Variants in EYS observed in about 807,000 individuals in gnomAD.
EYS encodes EGF-like photoreceptor maintenance factor.
In EYS, 250 loss-of-function variants were observed where a neutral mutation model predicts 282.1. That is an observed-to-expected ratio of 0.89 (90% confidence interval 0.80 to 0.98). The LOEUF (loss-of-function observed/expected upper bound fraction) is 0.98. EYS is among the 50% of genes least tolerant of loss of function. The pLI, the probability that EYS is intolerant of heterozygous loss-of-function variation, is 0.00. For missense variants in EYS, 4,016 were observed against 3,709.0 expected (o/e 1.08, Z -2.15); for synonymous variants, 1,355 against 1,282.9 (o/e 1.06, Z -1.20).
At chr6:64,155,644 C>T (rs189957911) in intron 31 of EYS, among the ~76,000 whole-genome samples, 3 of 152,208 alleles carry the variant, frequency 2.0e-5, no homozygotes, top group African/African-American at 7.2e-5. Flanking sequence ...TACCAGTTGC[C>T]TCATTGCTAT....
At position 64,878,119 on chromosome 6, in the gene EYS, G is replaced by T. The variant is rs904254841; in HGVS notation, c.2992+8578C>A. Among the ~76,000 whole-genome samples, 12 of 152,186 alleles carry T rather than the reference G, an allele frequency of 7.9e-5. No homozygotes were observed. The South Asian group carries it at 1.7e-3, about 21-fold the overall frequency. ...GTGGTGGCGAGCACCCGTAATCCCA[G>T]CTACTTGGGAGGCTGAGGCAGGAGA... On this transcript the variant is annotated intron_variant, in intron 19 of 42. Transcript: ENST00000503581.
intron 30 of EYS, among the ~76,000 whole-genome samples, chr6:64,241,229 G>A (rs952713432): frequency 2.0e-5 from 3 of 152,124 alleles, no homozygotes; most frequent in Non-Finnish European, 4.4e-5. Context: ...TTCTTTGCCA[G>A]GTTTTGGTAT....
At chr6:65,077,102 G>C (rs748653749) in intron 12 of EYS, among the ~76,000 whole-genome samples, 9 of 152,064 alleles carry the variant, frequency 5.9e-5, no homozygotes, top group Admixed American at 3.3e-4. Context: ...AGCATCAGGT[G>C]TGGAAGCAGT....
chr6:64,289,013 C>G (rs1215629018), intron 30 of EYS, among the ~76,000 whole-genome samples: 1 of 152,076 alleles, frequency 6.6e-6, no homozygotes, highest in Non-Finnish European at 1.5e-5. Flanking sequence ...GGCTCCACAT[C>G]TACAATAAAG....
chr6:63,788,304 T>C (rs1462829161), intron 38 of EYS, 55 bp from the exon 39 acceptor site: 1 of 1,348,720 alleles, frequency 7.4e-7, no homozygotes, highest in Non-Finnish European at 1.0e-6. Flanking sequence ...CAGGGTGAAA[T>C]GTTAAGATAC....
chr6:65,025,558 G>T (rs1583410460), intron 13 of EYS, among the ~76,000 whole-genome samples: 1 of 152,080 alleles, frequency 6.6e-6, no homozygotes, highest in East Asian at 1.9e-4. Context: ...AAAGAAACAT[G>T]GTATAAGACT....
At chr6:65,123,218 A>G (rs9342460) in intron 12 of EYS, among the ~76,000 whole-genome samples, 151,191 of 152,264 alleles carry the variant, frequency 0.99, 75,066 homozygotes, top group Middle Eastern at 1. Context: ...GTATCCTAAT[A>G]CAAAGCTTGA....
intron 12 of EYS, among the ~76,000 whole-genome samples, chr6:65,278,457 C>G (rs1421712894): frequency 4.8e-5 from 6 of 125,384 alleles, no homozygotes; most frequent in Admixed American, 9.3e-5. Flanking sequence ...CAGCTCATAT[C>G]TATATATTAC....
chr6:64,983,813 C>G (rs79431425), intron 14 of EYS, among the ~76,000 whole-genome samples: 5,271 of 151,120 alleles, frequency 0.035, 102 homozygotes, highest in Middle Eastern at 0.068. Flanking sequence ...ATCTCCTGTA[C>G]GCTAGTCCTT....
At chr6:65,668,373 T>C (rs1435822252) in intron 1 of EYS, among the ~76,000 whole-genome samples, 1 of 151,798 alleles carries the variant, frequency 6.6e-6, no homozygotes, top group Non-Finnish European at 1.5e-5. Context: ...CCTCATTATT[T>C]TATATTGGGT....
intron 27 of EYS, among the ~76,000 whole-genome samples, chr6:64,438,170 A>C (rs1774814273): frequency 6.6e-6 from 1 of 151,730 alleles, no homozygotes; most frequent in Non-Finnish European, 1.5e-5. Flanking sequence ...GACTTTTGAA[A>C]GGTTCTTATA....
intron 14 of EYS, among the ~76,000 whole-genome samples, chr6:64,968,869 C>T (rs931614995): frequency 2.0e-5 from 3 of 152,078 alleles, no homozygotes; most frequent in Admixed American, 2.0e-4. Flanking sequence ...GCTCTTCTTC[C>T]AACCCCAGAC....
At chr6:64,252,988 G>T (rs1767272511) in intron 30 of EYS, among the ~76,000 whole-genome samples, 1 of 152,018 alleles carries the variant, frequency 6.6e-6, no homozygotes, top group South Asian at 2.1e-4. Context: ...TAAATAATGT[G>T]TTAGAGCCTT....
intron 19 of EYS, among the ~76,000 whole-genome samples, chr6:64,823,952 G>T (rs954894772): frequency 1.3e-5 from 2 of 151,882 alleles, no homozygotes; most frequent in African/African-American, 4.8e-5. Context: ...TTATTACAGT[G>T]AAGAAGACAA....
chr6:65,379,950 G>A (rs1357638794), intron 8 of EYS, among the ~76,000 whole-genome samples: 1 of 151,898 alleles, frequency 6.6e-6, no homozygotes, highest in African/African-American at 2.4e-5. Context: ...ACAAACCACT[G>A]CTCAAGGAAA....
intron 4 of EYS, chr6:65,491,569 T>C (rs564677290): frequency 4.6e-6 from 2 of 435,990 alleles, no homozygotes; most frequent in Non-Finnish European, 4.6e-6. Context: ...AACTTTTTTC[T>C]TCATTTGCCT....
rs944185214 is a variant in EYS, at chr6:65,004,200, A to G, written c.2138-6497T>C. Among the ~76,000 whole-genome samples the G allele has an allele frequency of 5.4e-5, 8 of 147,494 alleles. 2 individuals carry two copies. The highest frequency in any genetic ancestry group is 1.1e-4 in the Non-Finnish European group (7 of 65,990). ...ATTCTACCATTTCAAATAAAATTGC[A>G]AAGGTTAATTCTGACACTAGAAAGG... On this transcript the variant is annotated intron_variant, in intron 13 of 42. Transcript: ENST00000503581.
chr6:64,501,130 T>C (rs1777027482), intron 26 of EYS, among the ~76,000 whole-genome samples: 1 of 151,514 alleles, frequency 6.6e-6, no homozygotes, highest in African/African-American at 2.4e-5. Context: ...TGCTTGGGAA[T>C]TTAGAAAAAC....
At chr6:65,327,465 A>G (rs149744259) in intron 11 of EYS, among the ~76,000 whole-genome samples, 215 of 151,646 alleles carry the variant, frequency 1.4e-3, no homozygotes, top group African/African-American at 5.1e-3. Context: ...ATTTTGAAAT[A>G]TTTGTCTGCT....
Sources: gnomAD v4.1 joint callset for allele counts (sites outside exome capture counted in the v4.1 genomes callset) on GRCh38, gnomAD v4.1.1 for gene constraint, MANE v1.5 for transcripts, NCBI Gene and HGNC (gene_info 2026-07-23, HGNC 2026-07-21) for gene names.